The following PPM1H variants were observed in gnomAD, a reference collection of about 807,000 sequenced individuals.
PPM1H encodes protein phosphatase 1H.
In PPM1H, 27 loss-of-function variants were observed where a neutral mutation model predicts 54.9. The observed-to-expected ratio is 0.49, with a 90% CI of 0.36 to 0.68. PPM1H has a LOEUF of 0.68. PPM1H is among the 30% of genes least tolerant of loss of function. PPM1H has a pLI of 0.00. For missense variants in PPM1H, 596 were observed against 667.8 expected, an observed-to-expected ratio of 0.89 and a Z score of 1.19; for synonymous variants, 305 against 270.8, an observed-to-expected ratio of 1.13 and a Z score of -1.24.
Position 62,900,579 on chromosome 12 carries a change from G to A in PPM1H, c.245+33913C>T, listed in dbSNP as rs117934983. ...AAAGAAAGAAGGGAAGAAGAAATGGGAATTTGCTTACCAGTAGTTAAAAAA... is the reference window on the plus strand; with the variant it reads ...AAAGAAAGAAGGGAAGAAGAAATGGAAATTTGCTTACCAGTAGTTAAAAAA... On this transcript the variant is annotated intron_variant, in intron 1 of 9. Coordinates refer to ENST00000228705, the MANE Select transcript of PPM1H (RefSeq NM_020700.2). Among the ~76,000 whole-genome samples, 1,422 of 149,384 alleles carry A rather than the reference G, an allele frequency of 9.5e-3. 6 individuals carry two copies. Among genetic ancestry groups the A allele is most frequent in the Middle Eastern group, 0.024 (7 of 288 alleles).
intron 3 of PPM1H, among the ~76,000 whole-genome samples, chr12:62,792,495 C>G (rs2076706471): frequency 6.6e-6 from 1 of 152,218 alleles, no homozygotes; most frequent in African/African-American, 2.4e-5. Flanking sequence ...TGCCACTTCC[C>G]TCCCCCACAT....
chr12:62,893,632 T>G (rs941699994), intron 1 of PPM1H, among the ~76,000 whole-genome samples: 2 of 151,340 alleles, frequency 1.3e-5, no homozygotes, highest in African/African-American at 4.9e-5. Context: ...AATATGTGTG[T>G]GTGCGGGGGG....
chr12:62,922,780 T>C (rs975271212), intron 1 of PPM1H, among the ~76,000 whole-genome samples: 2 of 152,148 alleles, frequency 1.3e-5, no homozygotes, highest in African/African-American at 4.8e-5. Flanking sequence ...CAATCTCTAC[T>C]TCAGAAGTAT....
At chr12:62,762,355 T>G (rs2076514332) in intron 4 of PPM1H, among the ~76,000 whole-genome samples, 2 of 152,158 alleles carry the variant, frequency 1.3e-5, no homozygotes, top group African/African-American at 4.8e-5. Flanking sequence ...GAACTCCAGA[T>G]AGCCAAGGAG....
At chr12:62,842,183 C>T (rs972931643) in intron 1 of PPM1H, among the ~76,000 whole-genome samples, 10 of 152,112 alleles carry the variant, frequency 6.6e-5, no homozygotes, top group South Asian at 2.1e-4. Flanking sequence ...ATGCTTTTTG[C>T]AGGTTTAGAA....
chr12:62,765,005 C>A (rs2076533171), intron 4 of PPM1H, among the ~76,000 whole-genome samples: 1 of 152,112 alleles, frequency 6.6e-6, no homozygotes, highest in Non-Finnish European at 1.5e-5. Context: ...GTCAGAAGGA[C>A]CTTGCAGGTC....
intron 1 of PPM1H, among the ~76,000 whole-genome samples, chr12:62,893,241 T>C (rs1409116860): frequency 6.6e-6 from 1 of 152,200 alleles, no homozygotes; most frequent in Non-Finnish European, 1.5e-5. Context: ...CTTAACAAAA[T>C]ACCACAGACT....
At chr12:62,707,858 G>A (rs2076183914) in intron 6 of PPM1H, among the ~76,000 whole-genome samples, 1 of 152,166 alleles carries the variant, frequency 6.6e-6, no homozygotes, top group Admixed American at 6.5e-5. Flanking sequence ...CCACAGAGAT[G>A]AAGCTCTGTG....
Position 62,670,836 on chromosome 12 carries a change from T to G in PPM1H, c.1246-3507A>C, listed in dbSNP as rs74323061. ...CCTGGTCTGTGAAGCACTCCCCAAT[T>G]AACATCTTTTGAGGTTTTTACAACC... is the stretch of plus-strand genomic sequence containing the variant. On this transcript the variant is annotated intron_variant, in intron 8 of 9. Coordinates refer to ENST00000228705, the MANE Select transcript of PPM1H (RefSeq NM_020700.2). 4.3e-3 allele frequency among the ~76,000 whole-genome samples: 662 copies of G among 152,280 alleles called. 7 individuals are homozygous for G. The highest frequency in any genetic ancestry group is 0.015 in the African/African-American group (632 of 41,540).
intron 9 of PPM1H, among the ~76,000 whole-genome samples, chr12:62,666,557 G>T (rs2075918318): frequency 6.6e-6 from 1 of 152,104 alleles, no homozygotes; most frequent in Non-Finnish European, 1.5e-5. Context: ...TCATCAACAG[G>T]ATCAGAAATG....
chr12:62,823,777 C>T (rs1035633503), intron 2 of PPM1H, among the ~76,000 whole-genome samples: 1 of 152,136 alleles, frequency 6.6e-6, no homozygotes, highest in Non-Finnish European at 1.5e-5. Context: ...TTATGACAAA[C>T]CCACAGCCAA....
At position 62,785,342 on chromosome 12, in the gene PPM1H, A is replaced by AT. The variant is rs532331945; in HGVS notation, c.869+2883dup. 1.7e-3 allele frequency among the ~76,000 whole-genome samples: 252 copies of AT among 151,900 alleles called. 2 individuals carry two copies. Among genetic ancestry groups the AT allele is most frequent in the Admixed American group, 4.4e-3 (67 of 15,260 alleles). On this transcript the variant is annotated intron_variant, in intron 4 of 9. Transcript: ENST00000228705. ...CCGGCGTGTGCCGCCACACCCGCTC[A>AT]TTTTTTTTGTATTTTTAGTGGAGAT... is the stretch of plus-strand genomic sequence containing the variant.
intron 2 of PPM1H, among the ~76,000 whole-genome samples, chr12:62,808,259 T>C (rs1254228178): frequency 6.6e-6 from 1 of 152,192 alleles, no homozygotes; most frequent in Non-Finnish European, 1.5e-5. Flanking sequence ...TTTTATATTG[T>C]AGGAAAATGA....
At chr12:62,880,652 G>A (rs1202564986) in intron 1 of PPM1H, among the ~76,000 whole-genome samples, 1 of 152,158 alleles carries the variant, frequency 6.6e-6, no homozygotes, top group Non-Finnish European at 1.5e-5. Context: ...CTCCTCCCCA[G>A]GCTGGGAAGA....
chr12:62,905,847 A>C (rs1396862889), intron 1 of PPM1H, among the ~76,000 whole-genome samples: 3 of 152,212 alleles, frequency 2.0e-5, no homozygotes, highest in Admixed American at 2.0e-4. Flanking sequence ...AGATAGTAAT[A>C]GATCATATGG....
chr12:62,926,220 A>G (rs943815183), intron 1 of PPM1H, among the ~76,000 whole-genome samples: 9 of 152,216 alleles, frequency 5.9e-5, no homozygotes, highest in African/African-American at 2.2e-4. Flanking sequence ...AAGAATGGCC[A>G]CTTTGTTGCT....
At chr12:62,892,986 G>A (rs976678999) in intron 1 of PPM1H, among the ~76,000 whole-genome samples, 2 of 152,190 alleles carry the variant, frequency 1.3e-5, no homozygotes, top group Non-Finnish European at 2.9e-5. Context: ...CATGGCAGAA[G>A]TGAGATTCTG....
At chr12:62,750,681 T>C (rs925252004) in intron 4 of PPM1H, among the ~76,000 whole-genome samples, 4 of 152,232 alleles carry the variant, frequency 2.6e-5, no homozygotes, top group Non-Finnish European at 4.4e-5. Flanking sequence ...TCTGAAGAAC[T>C]ACCAGTTAGC....
chr12:62,828,940 G>C (rs55648024), intron 2 of PPM1H, among the ~76,000 whole-genome samples: 2 of 151,104 alleles, frequency 1.3e-5, no homozygotes, highest in Non-Finnish European at 2.9e-5. Context: ...ATTAAAAAAA[G>C]AAAACAGAAA....
Sources: allele counts gnomAD v4.1 joint callset (sites outside exome capture counted in the v4.1 genomes callset), GRCh38; gene constraint gnomAD v4.1.1; transcripts MANE v1.5; gene names NCBI Gene and HGNC (gene_info 2026-07-23, HGNC 2026-07-21).